Variants in CLVS1 observed in about 807,000 individuals in gnomAD.
CLVS1 encodes clavesin-1.
CLVS1 carries 10 observed loss-of-function variants against 33.1 expected under a neutral mutation model. The observed-to-expected ratio is 0.30, with a 90% confidence interval of 0.19 to 0.51. The LOEUF (loss-of-function observed/expected upper bound fraction) is 0.51. Among genes scored for constraint, CLVS1 ranks in the 20% least tolerant of loss-of-function variants. The pLI is 0.97. For missense variants in CLVS1, 343 were observed against 433.4 expected (o/e 0.79, Z 1.85); for synonymous variants, 163 against 166.1 (o/e 0.98, Z 0.14).
rs146545036 is a variant in CLVS1 at position 61,068,703 on chromosome 8, G to A, written c.-243+11473G>A. On this transcript the variant is annotated intron_variant, in intron 1 of 2. Coordinates refer to the CLVS1 transcript ENST00000522621. ...ACACCCATGTCCCTGCTGCAAGCCA[G>A]GCCTCCAGCCAGGGGAGATAAGGTG... Among the ~76,000 whole-genome samples, 457 of 152,236 alleles carry A rather than the reference G, an allele frequency of 3.0e-3. 1 individual carries two copies. The highest frequency in any genetic ancestry group is 5.0e-3 in the Non-Finnish European group (340 of 68,006).
intron 2 of CLVS1, among the ~76,000 whole-genome samples, chr8:61,272,399 C>T (rs1229161436): frequency 7.9e-5 from 12 of 152,126 alleles, no homozygotes; most frequent in East Asian, 1.9e-4. Context: ...GAGGGTAACC[C>T]GACCTTTCTC....
At chr8:60,995,176 G>T in the CLVS1 span, among the ~76,000 whole-genome samples, 1 of 152,196 alleles carries the variant, frequency 6.6e-6, no homozygotes, top group Non-Finnish European at 1.5e-5. Flanking sequence ...CTAATTAAAT[G>T]AAAGAGCTTC....
At chr8:61,086,553 A>G (rs1805130849) in intron 1 of CLVS1, among the ~76,000 whole-genome samples, 1 of 152,180 alleles carries the variant, frequency 6.6e-6, no homozygotes, top group African/African-American at 2.4e-5. Context: ...GACCATACGT[A>G]GTAGCAATAT....
chr8:61,447,272 T>C (rs1816788941), intron 3 of CLVS1, among the ~76,000 whole-genome samples: 1 of 152,122 alleles, frequency 6.6e-6, no homozygotes, highest in Non-Finnish European at 1.5e-5. Flanking sequence ...TATATATTTA[T>C]ATTTGGAGTG....
At chr8:61,485,994 G>A (rs1212126623) in intron 5 of CLVS1, among the ~76,000 whole-genome samples, 9 of 152,098 alleles carry the variant, frequency 5.9e-5, no homozygotes, top group Non-Finnish European at 8.8e-5. Context: ...TATACCTAAT[G>A]TAAATGACGA....
At chr8:61,385,662 T>G (rs1359893718) in intron 3 of CLVS1, among the ~76,000 whole-genome samples, 1 of 152,232 alleles carries the variant, frequency 6.6e-6, no homozygotes, top group Non-Finnish European at 1.5e-5. Context: ...AACTATCACT[T>G]TTTTCTGTCC....
chr8:61,068,199 G>GTA (rs377090795), intron 1 of CLVS1, among the ~76,000 whole-genome samples: 2,899 of 97,684 alleles, frequency 0.03, 73 homozygotes, highest in African/African-American at 0.068. Flanking sequence ...ATGTGTATAT[G>GTA]TATATATATA....
chr8:61,125,360 G>C (rs930543807), intron 1 of CLVS1, among the ~76,000 whole-genome samples: 2 of 152,128 alleles, frequency 1.3e-5, no homozygotes, highest in Non-Finnish European at 2.9e-5. Context: ...GACAGGTTGT[G>C]GGGGGCTAGG....
At chr8:61,036,377 T>C in the CLVS1 span, among the ~76,000 whole-genome samples, 1 of 152,292 alleles carries the variant, frequency 6.6e-6, no homozygotes, top group East Asian at 1.9e-4. Flanking sequence ...CCAGGCTCTG[T>C]GGCAGCTGCA....
chr8:61,192,092 A>G (rs1387000429), intron 2 of CLVS1, among the ~76,000 whole-genome samples: 1 of 152,234 alleles, frequency 6.6e-6, no homozygotes, highest in African/African-American at 2.4e-5. Context: ...CAAAAGAACA[A>G]AGCTGGAGGC....
chr8:61,369,895 A>C (rs193049210), intron 2 of CLVS1, among the ~76,000 whole-genome samples: 1 of 152,314 alleles, frequency 6.6e-6, no homozygotes, highest in African/African-American at 2.4e-5. Flanking sequence ...TTGCCTCTCC[A>C]CCTTGGCTTA....
chr8:61,038,461 T>TATATATATATATATATATATATATGAC, the CLVS1 span, among the ~76,000 whole-genome samples: 8 of 117,768 alleles, frequency 6.8e-5, no homozygotes, highest in African/African-American at 3.0e-4. Flanking sequence ...ATATATGACA[T>TATATATATATATATATATATATATGAC]ATATATATAT....
At chr8:61,002,338 T>G in the CLVS1 span, among the ~76,000 whole-genome samples, 1 of 149,156 alleles carries the variant, frequency 6.7e-6, no homozygotes, top group African/African-American at 2.5e-5. Context: ...TTTTTTTTTT[T>G]TTTTTTTTTT....
intron 2 of CLVS1, among the ~76,000 whole-genome samples, chr8:61,165,892 T>A (rs1369508509): frequency 6.6e-6 from 1 of 152,198 alleles, no homozygotes; most frequent in Non-Finnish European, 1.5e-5. Flanking sequence ...GGACTACTTG[T>A]CTCTTCTGAT....
chr8:60,966,182 T>C, the CLVS1 span: 1 of 333,968 alleles, frequency 3.0e-6, no homozygotes, highest in African/African-American at 2.2e-5. Flanking sequence ...AGAGGACCTT[T>C]GGAGATGTGA....
At chr8:61,010,935 T>C in the CLVS1 span, among the ~76,000 whole-genome samples, 671 of 152,348 alleles carry the variant, frequency 4.4e-3, 5 homozygotes, top group African/African-American at 0.015. Flanking sequence ...CTACATTTCA[T>C]GCAGGGCCCG....
chr8:61,443,375 A>T lies in CLVS1; in HGVS notation c.631-10766A>T, dbSNP rs1816639688. Among the ~76,000 whole-genome samples the T allele has an allele frequency of 3.3e-5, 5 of 152,076 alleles. No homozygotes were observed. The South Asian group carries it at 1.0e-3, about 32-fold the overall frequency. ...TCTAAAAGTTTTATGGTTTTATTGC[A>T]TTTAAATTCATGAGTTAATTTTTGA... On this transcript the variant is annotated intron_variant, in intron 3 of 5. Coordinates refer to ENST00000325897, the MANE Select transcript of CLVS1 (RefSeq NM_173519.3).
upstream of CLVS1, among the ~76,000 whole-genome samples, chr8:61,053,865 C>T (rs12682531): frequency 3.3e-5 from 5 of 152,176 alleles, no homozygotes; most frequent in African/African-American, 9.7e-5. Flanking sequence ...TCCTACCTGT[C>T]GGGTGGACTC....
intron 3 of CLVS1, among the ~76,000 whole-genome samples, chr8:61,433,016 C>T (rs1166902061): frequency 1.3e-5 from 2 of 152,192 alleles, no homozygotes; most frequent in Non-Finnish European, 2.9e-5. Context: ...TGCAGTGGCA[C>T]AATCACAGTT....
Sources: allele counts gnomAD v4.1 joint callset (sites outside exome capture counted in the v4.1 genomes callset), GRCh38; gene constraint gnomAD v4.1.1; transcripts MANE v1.5; gene names NCBI Gene and HGNC (gene_info 2026-07-23, HGNC 2026-07-21).